The following TNFRSF1B variants were observed in gnomAD, a reference collection of about 807,000 sequenced individuals.
TNFRSF1B encodes tumor necrosis factor receptor superfamily member 1B.
Under a neutral mutation model 44.6 loss-of-function variants are expected in TNFRSF1B, and 19 were observed. That is an observed-to-expected ratio of 0.43 (90% CI 0.30 to 0.62). The LOEUF (loss-of-function observed/expected upper bound fraction) is 0.62, where lower values mean the gene tolerates loss of function less well. Among genes scored for constraint, TNFRSF1B ranks in the 20% least tolerant of loss-of-function variants. The pLI is 0.16. For synonymous variants in TNFRSF1B, 252 were observed against 261.1 expected, an observed-to-expected ratio of 0.97 and a Z score of 0.34; for missense variants, 541 against 619.9, an observed-to-expected ratio of 0.87 and a Z score of 1.35.
rs774919239 is a variant in TNFRSF1B, at chr1:12,192,539, C to T, written c.551+15C>T. ...CCCCACCAGATGTGAGTAGCTGAGT[C>T]CTTTGGTTCTGGAGGAGCAGGGAGG... is the stretch of plus-strand genomic sequence containing the variant. On this transcript the variant is annotated intron_variant, in intron 5 of 9. Coordinates refer to ENST00000376259, the MANE Select transcript of TNFRSF1B (RefSeq NM_001066.3). 9.3e-6 allele frequency: 15 copies of T among 1,613,324 alleles called. No homozygotes were observed. The highest frequency in any genetic ancestry group is 1.3e-5 in the Non-Finnish European group (15 of 1,179,446).
rs368441565 is a variant in TNFRSF1B at position 12,207,207 on chromosome 1, G to A, written c.*187G>A. The A allele has an allele frequency of 2.0e-5, 11 of 563,490 alleles. No individual in the cohort carries two copies. Among genetic ancestry groups the A allele is most frequent in the East Asian group, 9.4e-5 (3 of 31,994 alleles). The allele number at this position is 563,490 out of a possible 1,614,324, so 34.9% of individuals were successfully genotyped here. On this transcript the variant is annotated 3_prime_UTR_variant, in exon 10 of 10. Transcript: ENST00000376259. Reference sequence around the variant, plus strand: ...CCTGCAGGCCAAGAGCAGAGGCAGCGAGTTGTGGAAAGCCTCTGCTGCCAT... The same window carrying A: ...CCTGCAGGCCAAGAGCAGAGGCAGCAAGTTGTGGAAAGCCTCTGCTGCCAT...
intron 1 of TNFRSF1B, among the ~76,000 whole-genome samples, chr1:12,170,174 G>A (rs1021410309): frequency 1.4e-5 from 2 of 146,848 alleles, no homozygotes; most frequent in African/African-American, 2.7e-5. Flanking sequence ...CTGAGGCAGG[G>A]CCATTCATTC....
chr1:12,193,193 G>A (rs1639189689), intron 6 of TNFRSF1B, 95 bp downstream of exon 6: 6 of 1,162,702 alleles, frequency 5.2e-6, no homozygotes, highest in Middle Eastern at 1.9e-4. Flanking sequence ...GAGAGCCCAC[G>A]GGGGGCTGGA....
intron 1 of TNFRSF1B, among the ~76,000 whole-genome samples, chr1:12,167,826 G>C (rs557060469): frequency 4.5e-4 from 69 of 152,294 alleles, no homozygotes; most frequent in African/African-American, 1.6e-3. Flanking sequence ...AGCGAGGGAG[G>C]TCTGGGCTGG....
At chr1:12,183,701 TATCTATCTA>T (rs1268641844) in intron 1 of TNFRSF1B, among the ~76,000 whole-genome samples, 32 of 129,356 alleles carry the variant, frequency 2.5e-4, no homozygotes, top group African/African-American at 8.4e-4. Context: ...TCTATCTATC[TATCTATCTA>T]TTCTATCTAC....
At chr1:12,189,909 A>G (rs967047139) in intron 2 of TNFRSF1B, among the ~76,000 whole-genome samples, 19 of 152,338 alleles carry the variant, frequency 1.2e-4, no homozygotes, top group African/African-American at 4.6e-4. Context: ...AAGCAACAGC[A>G]TGTGCGAAGG....
chr1:12,174,154 T>TCTTCTTCTTCTTCTTCTTCTTCTC (rs1638588861), intron 1 of TNFRSF1B, among the ~76,000 whole-genome samples: 1 of 73,996 alleles, frequency 1.4e-5, no homozygotes, highest in African/African-American at 6.3e-5. Flanking sequence ...TTCTTCTTCT[T>TCTTCTTCTTCTTCTTCTTCTTCTC]CTTCTTCTTC....
Position 12,207,436 on chromosome 1 carries a change from C to T in TNFRSF1B, c.*416C>T, listed in dbSNP as rs1363184819. On this transcript the variant is annotated 3_prime_UTR_variant, in exon 10 of 10. Transcript: ENST00000376259. Reference sequence around the variant, plus strand: ...AGCTCTGGCTTCCAGAAAACCCCAGCATCCTTTTCTGCAGAGGGGCTTTCT... The same window carrying T: ...AGCTCTGGCTTCCAGAAAACCCCAGTATCCTTTTCTGCAGAGGGGCTTTCT... 2 of 176,638 alleles carry T rather than the reference C, an allele frequency of 1.1e-5. No individual in the cohort carries two copies. Among genetic ancestry groups the T allele is most frequent in the African/African-American group, 4.7e-5 (2 of 42,322 alleles). 10.9% of individuals were successfully genotyped at this position (176,638 alleles called of 1,614,324 possible). A position where few individuals can be genotyped will look rare whatever the true frequency, so the allele number is the denominator to read the frequency against.
At position 12,183,613 on chromosome 1, in the gene TNFRSF1B, CTGTT is replaced by C. The variant is rs376429911; in HGVS notation, c.79-5179_79-5176del. 5.6e-3 allele frequency among the ~76,000 whole-genome samples: 661 copies of C among 118,976 alleles called. 10 individuals are homozygous for C. The highest frequency in any genetic ancestry group is 0.016 in the African/African-American group (596 of 38,352). 78.1% of individuals were successfully genotyped at this position (118,976 alleles called of 152,430 possible). ...CTTTCTATTTTATCTATCTATCTAT[CTGTT>C]TGTCTGTCTGTTTTATCTATCTAGC... On this transcript the variant is annotated intron_variant, in intron 1 of 9. Coordinates refer to ENST00000376259, the MANE Select transcript of TNFRSF1B (RefSeq NM_001066.3).
chr1:12,192,612 A>G (rs751834930), intron 5 of TNFRSF1B, 88 bp downstream of exon 5: 17 of 1,312,994 alleles, frequency 1.3e-5, no homozygotes, highest in Non-Finnish European at 1.9e-5. Context: ...CAGCTCACCA[A>G]CCACCATTGT....
chr1:12,197,237 C>T (rs1157820927), intron 8 of TNFRSF1B, among the ~76,000 whole-genome samples: 2 of 152,220 alleles, frequency 1.3e-5, no homozygotes, highest in Admixed American at 1.3e-4. Flanking sequence ...CATAAGCCAC[C>T]ACGCCTGGCC....
At chr1:12,195,836 C>T (rs1444041414) in intron 8 of TNFRSF1B, among the ~76,000 whole-genome samples, 1 of 151,682 alleles carries the variant, frequency 6.6e-6, no homozygotes, top group Non-Finnish European at 1.5e-5. Flanking sequence ...GTTTTCTCGA[C>T]CTCAGGGGCA....
At chr1:12,190,024 T>G (rs1570153094) in intron 2 of TNFRSF1B, among the ~76,000 whole-genome samples, 1 of 150,468 alleles carries the variant, frequency 6.6e-6, no homozygotes, top group African/African-American at 2.4e-5. Context: ...GAGGAAGGAG[T>G]GAGCAGGGAC....
At chr1:12,188,363 A>G (rs140931969) in intron 1 of TNFRSF1B, among the ~76,000 whole-genome samples, 1 of 152,258 alleles carries the variant, frequency 6.6e-6, no homozygotes, top group Non-Finnish European at 1.5e-5. Flanking sequence ...AGGGCTTCCC[A>G]GAGGTGGCAG....
intron 4 of TNFRSF1B, 142 bp downstream of exon 4, chr1:12,192,065 T>TCTGTCCAC (rs1322378067): frequency 2.6e-6 from 3 of 1,167,644 alleles, no homozygotes; most frequent in Admixed American, 2.4e-5. Flanking sequence ...TACCCATCCG[T>TCTGTCCAC]CTGTCCACCT....
At position 12,178,537 on chromosome 1, in the gene TNFRSF1B, A is replaced by G. The variant is rs1638714648; in HGVS notation, c.79-10259A>G. On this transcript the variant is annotated intron_variant, in intron 1 of 9. Transcript: ENST00000376259. The surrounding 1 kb of genome is among the most constrained non-coding windows in gnomAD (Gnocchi z 4.3). ...TGCGGGGAGGCACGAGGGAACCAAT[A>G]ATTAACCAAAACTGGTCGGGTGTGG... 6.6e-6 allele frequency among the ~76,000 whole-genome samples: 1 copy of G among 152,126 alleles called. No homozygotes were observed. Among genetic ancestry groups the G allele is most frequent in the African/African-American group, 2.4e-5 (1 of 41,426 alleles).
chr1:12,197,524 G>C lies in TNFRSF1B; in HGVS notation c.900+2906G>C, dbSNP rs952053099. ...AGGCTCTTTGTGACTGAGTCCCCAC[G>C]CATCCCTGTGGGGCAGGGAGCATCA... On this transcript the variant is annotated intron_variant, in intron 8 of 9. Transcript: ENST00000376259. Among the ~76,000 whole-genome samples, 3 of 152,172 alleles carry C rather than the reference G, an allele frequency of 2.0e-5. No homozygotes were observed. In the East Asian group the frequency reaches 5.8e-4, roughly 29 times the overall value.
chr1:12,194,375 C>T (rs1033801603), intron 7 of TNFRSF1B, among the ~76,000 whole-genome samples: 1 of 151,950 alleles, frequency 6.6e-6, no homozygotes, highest in Non-Finnish European at 1.5e-5. Flanking sequence ...AGTGGAGGCG[C>T]GGATGGTATA....
chr1:12,201,260 C>CA (rs1177930307), intron 8 of TNFRSF1B, among the ~76,000 whole-genome samples: 4,268 of 54,102 alleles, frequency 0.079, 154 homozygotes, highest in Admixed American at 0.17. Flanking sequence ...GACCCTGTCT[C>CA]AAAAAAAAAA....
Sources: gnomAD v4.1 joint callset for allele counts (sites outside exome capture counted in the v4.1 genomes callset) on GRCh38, gnomAD v4.1.1 for gene constraint, Gnocchi (gnomAD v3.1) non-coding constraint, MANE v1.5 for transcripts, NCBI Gene and HGNC (gene_info 2026-07-23, HGNC 2026-07-21) for gene names.